Variants in RFC3 observed in about 807,000 individuals in gnomAD.
RFC3 encodes replication factor C subunit 3.
RFC3 carries 41 observed loss-of-function variants against 45.1 expected under a neutral mutation model. The observed-to-expected ratio is 0.91, with a 90% CI of 0.71 to 1.18. The LOEUF is 1.18. Among genes scored for constraint, RFC3 ranks in the 50% most tolerant of loss-of-function variants. The pLI is 0.00. For missense variants in RFC3, 423 were observed against 428.1 expected (o/e 0.99, Z 0.10); for synonymous variants, 149 against 144.0 (o/e 1.03, Z -0.25).
chr13:33,967,466 C>T (rs1180816265), downstream of RFC3, among the ~76,000 whole-genome samples: 1 of 145,270 alleles, frequency 6.9e-6, no homozygotes, highest in African/African-American at 2.5e-5. Context: ...AAATTTTCAA[C>T]TTAGTTTAAA....
chr13:33,952,270 A>G (rs147654269), intron 8 of RFC3, among the ~76,000 whole-genome samples: 34 of 152,346 alleles, frequency 2.2e-4, no homozygotes, highest in African/African-American at 7.9e-4. Context: ...TTGAGGATTC[A>G]TTTTTATTGA....
At chr13:33,889,116 T>G (rs1441953738) in intron 8 of RFC3, among the ~76,000 whole-genome samples, 1 of 152,208 alleles carries the variant, frequency 6.6e-6, no homozygotes, top group Non-Finnish European at 1.5e-5. Context: ...TTCCTGCATT[T>G]GTATCTGCAG....
the RFC3 span, among the ~76,000 whole-genome samples, chr13:33,971,931 G>A: frequency 7.0e-6 from 1 of 143,434 alleles, no homozygotes; most frequent in South Asian, 2.4e-4. Context: ...GACCAACGTG[G>A]CACAACCCCA....
chr13:33,925,059 A>G (rs987844645), intron 8 of RFC3, among the ~76,000 whole-genome samples: 25 of 145,360 alleles, frequency 1.7e-4, no homozygotes, highest in African/African-American at 6.0e-4. Context: ...ATATATATAC[A>G]CATATATAGT....
At chr13:33,960,745 T>C (rs1336027883) in intron 8 of RFC3, among the ~76,000 whole-genome samples, 1 of 152,178 alleles carries the variant, frequency 6.6e-6, no homozygotes, top group Non-Finnish European at 1.5e-5. Context: ...ATTTCTCACC[T>C]AGGGCACCCC....
At chr13:33,913,592 T>C (rs1245871209) in intron 8 of RFC3, among the ~76,000 whole-genome samples, 2 of 152,164 alleles carry the variant, frequency 1.3e-5, no homozygotes, top group African/African-American at 4.8e-5. Context: ...TCACTCTCTC[T>C]AAGCCTCAGT....
Position 33,818,198 on chromosome 13 carries a change from A to G in RFC3, c.20A>G (p.Lys7Arg). The G allele has an allele frequency of 1.2e-6, 2 of 1,613,652 alleles. No homozygotes were observed. Among genetic ancestry groups the G allele is most frequent in the Non-Finnish European group, 1.7e-6 (2 of 1,179,958 alleles). The change falls in exon 1 of 9, where the codon AAG (lysine) becomes AGG (arginine). Residue 7 changes from lysine (K) to arginine (R), a missense_variant. Lys to Arg is a conservative substitution (Grantham distance 26). Coordinates refer to ENST00000380071, the MANE Select transcript of RFC3 (RefSeq NM_002915.4). ...GCTGCCATGAGCCTCTGGGTGGACA[A>G]GTATCGGCCCTGCTCCTTGGGACGG... is the stretch of plus-strand genomic sequence containing the variant. Reference protein sequence around the residue: MSLWVDKYRPCSLGRLD... With the variant: MSLWVDRYRPCSLGRLD...
intron 8 of RFC3, among the ~76,000 whole-genome samples, chr13:33,861,924 A>G (rs1293578525): frequency 6.6e-6 from 1 of 152,204 alleles, no homozygotes; most frequent in African/African-American, 2.4e-5. Flanking sequence ...AGAAATGCCT[A>G]TTCTGGAAGC....
chr13:33,860,024 A>T (rs893020797), intron 8 of RFC3, among the ~76,000 whole-genome samples: 2 of 152,206 alleles, frequency 1.3e-5, no homozygotes, highest in Non-Finnish European at 2.9e-5. Context: ...CACCAGGGGC[A>T]TGCATAGATG....
intron 8 of RFC3, among the ~76,000 whole-genome samples, chr13:33,882,661 G>A (rs2082492916): frequency 6.6e-6 from 1 of 152,210 alleles, no homozygotes; most frequent in Admixed American, 6.5e-5. Context: ...AATGTGAGAA[G>A]TAAATGTTTG....
chr13:33,865,781 T>C (rs1221071513), intron 8 of RFC3, among the ~76,000 whole-genome samples: 2 of 152,114 alleles, frequency 1.3e-5, no homozygotes, highest in Non-Finnish European at 2.9e-5. Flanking sequence ...TGGCCAGGTA[T>C]GGTGGCTCAC....
chr13:33,845,008 T>C (rs2139452269), intron 8 of RFC3, among the ~76,000 whole-genome samples: 1 of 152,316 alleles, frequency 6.6e-6, no homozygotes, highest in Non-Finnish European at 1.5e-5. Flanking sequence ...TCTGGGAAAG[T>C]CTATATTTCT....
At chr13:33,834,329 T>TATATATACATAC (rs1300798923) in intron 7 of RFC3, among the ~76,000 whole-genome samples, 1 of 125,106 alleles carries the variant, frequency 8.0e-6, no homozygotes, top group African/African-American at 3.4e-5. Flanking sequence ...TATATATATA[T>TATATATACATAC]ATCTGTACTG....
intron 8 of RFC3, among the ~76,000 whole-genome samples, chr13:33,851,001 A>G (rs1415437185): frequency 1.3e-5 from 2 of 152,186 alleles, no homozygotes; most frequent in South Asian, 2.1e-4. Context: ...ACTTAAATTT[A>G]CTAATTGCCT....
At chr13:33,882,106 C>T (rs7338437) in intron 8 of RFC3, among the ~76,000 whole-genome samples, 11,394 of 152,158 alleles carry the variant, frequency 0.075, 891 homozygotes, top group African/African-American at 0.18. Context: ...CAAAAAGTTA[C>T]GAAAGTAGAA....
downstream of RFC3, among the ~76,000 whole-genome samples, chr13:33,969,272 T>C (rs74046994): frequency 6.6e-6 from 1 of 152,154 alleles, no homozygotes; most frequent in Admixed American, 6.5e-5. Flanking sequence ...ACCTCAAAGC[T>C]AAAGCAATTA....
exon 9 of RFC3, chr13:33,966,445 C>T (rs2083088293): frequency 5.5e-6 from 2 of 365,058 alleles, no homozygotes; most frequent in Admixed American, 4.0e-5. Flanking sequence ...AGTTTATTTC[C>T]ATCTGTATCC....
intron 8 of RFC3, among the ~76,000 whole-genome samples, chr13:33,918,511 G>A (rs1223181752): frequency 6.6e-6 from 1 of 152,108 alleles, no homozygotes; most frequent in Non-Finnish European, 1.5e-5. Flanking sequence ...CTTGCAAAAT[G>A]CTGTTGGGTA....
chr13:33,930,230 C>T (rs189710688), intron 8 of RFC3, among the ~76,000 whole-genome samples: 24 of 152,080 alleles, frequency 1.6e-4, no homozygotes, highest in Admixed American at 1.4e-3. Context: ...GGTGAAGTCC[C>T]GCAATAGGCC....
Sources: allele counts gnomAD v4.1 joint callset (sites outside exome capture counted in the v4.1 genomes callset), GRCh38; gene constraint gnomAD v4.1.1; transcripts MANE v1.5; gene names NCBI Gene and HGNC (gene_info 2026-07-23, HGNC 2026-07-21).